HINT1: variants seen among roughly 807,000 people sequenced by gnomAD.
HINT1 encodes histidine triad nucleotide binding protein 1.
In HINT1, 12 loss-of-function variants were observed where a neutral mutation model predicts 11.2. The observed-to-expected ratio is 1.07, with a 90% confidence interval of 0.69 to 1.74. The LOEUF is 1.74. Ranked by LOEUF, HINT1 falls within the 40% of genes most tolerant of loss-of-function variation. HINT1 has a pLI of 0.00. For missense variants in HINT1, 150 were observed against 161.8 expected, an observed-to-expected ratio of 0.93 and a Z score of 0.40; for synonymous variants, 42 against 52.6, an observed-to-expected ratio of 0.80 and a Z score of 0.87.
chr5:131,162,161 A>G lies in HINT1; in HGVS notation c.216+411T>C, dbSNP rs1377635481. 10 of 495,296 alleles carry G rather than the reference A, an allele frequency of 2.0e-5. No homozygotes were observed. In the Admixed American group the frequency reaches 3.6e-4, roughly 18 times the overall value. The allele number at this position is 495,296 out of a possible 1,614,324, so 30.7% of individuals were successfully genotyped here. On this transcript the variant is annotated intron_variant, in intron 2 of 2. Coordinates refer to ENST00000304043, the MANE Select transcript of HINT1 (RefSeq NM_005340.7). ...TAACATGGTGAAAGCCGTCTCTACT[A>G]AAAATACAAAAAATTAGCCAGCCTT...
rs776457658 is a variant in HINT1, at chr5:131,165,165, C to G, written c.41G>C (p.Gly14Ala). 1 of 1,611,268 alleles carries G rather than the reference C, an allele frequency of 6.2e-7. No homozygotes were observed. The highest frequency in any genetic ancestry group is 8.5e-7 in the Non-Finnish European group (1 of 1,179,910). Reference protein sequence around the residue: ...EIAKAQVARPGGDTIFGKIIR... With the variant: ...EIAKAQVARPAGDTIFGKIIR... ...GATCTTCCCAAAGATCGTGTCGCCA[C>G]CAGGCCGAGCGACCTGAGCCTTGGC... Residue 14 changes from glycine (G) to alanine (A), a missense_variant, in exon 1 of 3, where the codon GGT becomes GCT. Transcript: ENST00000304043.
chr5:131,161,076 T>C (rs17165675), intron 2 of HINT1, among the ~76,000 whole-genome samples: 17,957 of 152,224 alleles, frequency 0.12, 2,631 homozygotes, highest in African/African-American at 0.34. Context: ...AGCAGATACC[T>C]ATATTGGTCA....
intron 2 of HINT1, among the ~76,000 whole-genome samples, chr5:131,159,969 AC>A (rs2149651434): frequency 6.6e-6 from 1 of 151,988 alleles, no homozygotes; most frequent in East Asian, 1.9e-4. Flanking sequence ...CTCCTGCCTC[AC>A]CCACCCAAGG....
intron 1 of HINT1, among the ~76,000 whole-genome samples, chr5:131,164,694 G>A (rs1755347107): frequency 1.3e-5 from 2 of 152,192 alleles, no homozygotes; most frequent in African/African-American, 4.8e-5. Context: ...CTGAGTCAGG[G>A]CGCGATCGGG....
chr5:131,161,960 C>T (rs1038006602), intron 2 of HINT1, among the ~76,000 whole-genome samples: 3 of 152,128 alleles, frequency 2.0e-5, no homozygotes, highest in African/African-American at 4.8e-5. Context: ...ATGATTCACT[C>T]GACTTAATAA....
chr5:131,159,664 A>G (rs1755200441), intron 2 of HINT1, 53 bp from the exon 3 acceptor site: 1 of 1,506,680 alleles, frequency 6.6e-7, no homozygotes, highest in African/African-American at 1.4e-5. Flanking sequence ...ACTTCTTGCC[A>G]TTAAATAACA....
intron 2 of HINT1, chr5:131,162,169 A>T: frequency 5.9e-6 from 3 of 505,314 alleles, no homozygotes; most frequent in Non-Finnish European, 1.0e-5. Flanking sequence ...CTAAAAATAC[A>T]AAAAATTAGC....
Position 131,165,236 on chromosome 5 carries a change from GA to G in HINT1, c.-32del, listed in dbSNP as rs1755371329. The G allele has an allele frequency of 6.3e-7, 1 of 1,596,020 alleles. No individual in the cohort carries two copies. On this transcript the variant is annotated 5_prime_UTR_variant, in exon 1 of 3. Coordinates refer to ENST00000304043, the MANE Select transcript of HINT1 (RefSeq NM_005340.7). ...CCTCTCTCCCGCGCGGCGGCCAGAG[GA>G]GAGGCTCGGAAGAAGGGAGGAACCC...
chr5:131,165,031 A>G (rs745910594), intron 1 of HINT1, 64 bp downstream of exon 1: 5 of 1,606,628 alleles, frequency 3.1e-6, no homozygotes, highest in Non-Finnish European at 4.2e-6. Flanking sequence ...CCTCCGCGAG[A>G]AACCCGAGGA....
At position 131,162,682 on chromosome 5, in the gene HINT1, G is replaced by C; in HGVS notation, c.112-6C>G. ...ATGTCATGGAAAGCAAGGCACTAGG[G>C]AAAAGAGAAATAAATAAATAAATCA... On this transcript the variant is annotated splice_region_variant and splice_polypyrimidine_tract_variant and intron_variant, in intron 1 of 2. Coordinates refer to ENST00000304043, the MANE Select transcript of HINT1 (RefSeq NM_005340.7). The C allele has an allele frequency of 6.5e-7, 1 of 1,545,602 alleles. No individual in the cohort carries two copies. The highest frequency in any genetic ancestry group is 2.2e-5 in the East Asian group (1 of 44,504).
chr5:131,162,431 G>A, intron 2 of HINT1, 141 bp downstream of exon 2: 1 of 1,528,952 alleles, frequency 6.5e-7, no homozygotes, highest in Non-Finnish European at 8.8e-7. Flanking sequence ...AAAACAGCTG[G>A]GCAGTTGAAG....
rs201269628 is a variant in HINT1, at chr5:131,163,585, G to GT, written c.112-910dup. Among the ~76,000 whole-genome samples, 680 of 144,594 alleles carry GT rather than the reference G, an allele frequency of 4.7e-3. 2 individuals are homozygous for GT. The highest frequency in any genetic ancestry group is 0.018 in the Middle Eastern group (5 of 276). 94.9% of individuals were successfully genotyped at this position (144,594 alleles called of 152,430 possible). ...AGAGTCCTAGTTGTGCAATTTCCTGGTTTTTTTTTTTTCTTTATGATAGCA... is the reference window on the plus strand; with the variant it reads ...AGAGTCCTAGTTGTGCAATTTCCTGGTTTTTTTTTTTTTCTTTATGATAGCA... On this transcript the variant is annotated intron_variant, in intron 1 of 2. Transcript: ENST00000304043.
In HINT1 at chr5:131,159,985, G is replaced by A. The variant is rs186294275; in HGVS notation, c.217-374C>T. On this transcript the variant is annotated intron_variant, in intron 2 of 2. Coordinates refer to ENST00000304043, the MANE Select transcript of HINT1 (RefSeq NM_005340.7). ...TCCTGCCTCACCCACCCAAGGAGCT[G>A]GGACTACAAGCACATGCCACCACAC... is the stretch of plus-strand genomic sequence containing the variant. Among the ~76,000 whole-genome samples, 7 of 152,098 alleles carry A rather than the reference G, an allele frequency of 4.6e-5. No homozygotes were observed. The East Asian group carries it at 7.7e-4, about 17-fold the overall frequency.
At position 131,162,587 on chromosome 5, in the gene HINT1, T is replaced by A. The variant is rs1580684594; in HGVS notation, c.201A>T (p.Glu67Asp). ...KKHISQISVA[E>D]DDDESLLGHL... ...ATGTACTTACACTTTCATCATCATC[T>A]TCTGCCACAGAAATCTGGGATATAT... Residue 67 changes from glutamate (E) to aspartate (D), a missense_variant, in exon 2 of 3, where the codon GAA (glutamate) becomes GAT (aspartate). Glu to Asp is a conservative substitution (Grantham distance 45). Coordinates refer to ENST00000304043, the MANE Select transcript of HINT1 (RefSeq NM_005340.7). 1 of 1,611,586 alleles carries A rather than the reference T, an allele frequency of 6.2e-7. No individual in the cohort carries two copies. Among genetic ancestry groups the A allele is most frequent in the Non-Finnish European group, 8.5e-7 (1 of 1,177,710 alleles).
chr5:131,159,425 G>C lies in HINT1; in HGVS notation c.*22C>G, dbSNP rs201431145. On this transcript the variant is annotated 3_prime_UTR_variant, in exon 3 of 3. Coordinates refer to ENST00000304043, the MANE Select transcript of HINT1 (RefSeq NM_005340.7). ...TAACTTAATCATTGCCTAAAGAAGA[G>C]AAAATTATCCCCAAAACGTGCTTAA... is the stretch of plus-strand genomic sequence containing the variant. 5.0e-6 allele frequency: 8 copies of C among 1,606,284 alleles called. No homozygotes were observed. Among genetic ancestry groups the C allele is most frequent in the Non-Finnish European group, 6.8e-6 (8 of 1,177,026 alleles).
At chr5:131,161,802 C>T (rs956869709) in intron 2 of HINT1, among the ~76,000 whole-genome samples, 2 of 152,098 alleles carry the variant, frequency 1.3e-5, no homozygotes, top group African/African-American at 4.8e-5. Flanking sequence ...ATACAACTGA[C>T]CCTTGCACAA....
At chr5:131,161,591 G>A (rs1165123163) in intron 2 of HINT1, among the ~76,000 whole-genome samples, 30 of 138,610 alleles carry the variant, frequency 2.2e-4, no homozygotes, top group Non-Finnish European at 3.7e-4. Context: ...ACGAAACTCC[G>A]TCTCAAAAAA....
At chr5:131,161,643 T>C (rs764567262) in intron 2 of HINT1, among the ~76,000 whole-genome samples, 5 of 152,230 alleles carry the variant, frequency 3.3e-5, no homozygotes, top group South Asian at 4.1e-4. Context: ...TTTAATGTTA[T>C]TGCATATAAG....
At chr5:131,163,747 A>G (rs1755316045) in intron 1 of HINT1, among the ~76,000 whole-genome samples, 2 of 152,220 alleles carry the variant, frequency 1.3e-5, no homozygotes, top group Non-Finnish European at 2.9e-5. Context: ...CATTTAGACT[A>G]ATTATTTAAA....
Sources: gnomAD v4.1 joint callset for allele counts (sites outside exome capture counted in the v4.1 genomes callset) on GRCh38, gnomAD v4.1.1 for gene constraint, MANE v1.5 for transcripts, NCBI Gene and HGNC (gene_info 2026-07-23, HGNC 2026-07-21) for gene names.